The following MCC variants were observed in gnomAD, a reference collection of about 807,000 sequenced individuals.
The protein encoded by MCC is MCC regulator of Wnt signaling pathway.
A neutral mutation model predicts 116.2 loss-of-function variants in MCC; 90 were observed. That is an observed-to-expected ratio of 0.77 (90% CI 0.65 to 0.92). The LOEUF is 0.92. Ranked by LOEUF, MCC falls within the 40% of genes least tolerant of loss-of-function variation. MCC has a pLI of 0.00. For missense variants in MCC, 1,516 were observed against 1,312.2 expected, an observed-to-expected ratio of 1.16 and a Z score of -2.40; for synonymous variants, 578 against 510.5, an observed-to-expected ratio of 1.13 and a Z score of -1.78.
At chr5:113,171,496 AG>A in intron 3 of MCC, among the ~76,000 whole-genome samples, 1 of 152,054 alleles carries the variant, frequency 6.6e-6, no homozygotes, top group East Asian at 1.9e-4. Context: ...CTAGGACTAC[AG>A]GCATGCACTA....
At chr5:113,180,457 G>C (rs1006617331) in intron 3 of MCC, among the ~76,000 whole-genome samples, 4 of 152,052 alleles carry the variant, frequency 2.6e-5, no homozygotes, top group African/African-American at 9.7e-5. Context: ...TCTTCCTTCT[G>C]CCCCTCCTAG....
At chr5:113,430,646 G>C (rs1002819113) in intron 1 of MCC, among the ~76,000 whole-genome samples, 2 of 152,194 alleles carry the variant, frequency 1.3e-5, no homozygotes, top group Non-Finnish European at 2.9e-5. Flanking sequence ...TGAGAGGTAA[G>C]GCAAAGAAAG....
chr5:113,394,386 T>C (rs905456392), intron 1 of MCC, among the ~76,000 whole-genome samples: 2 of 152,208 alleles, frequency 1.3e-5, no homozygotes, highest in Middle Eastern at 3.2e-3. Context: ...TACTCTTTCC[T>C]GCTTAAAATC....
intron 1 of MCC, among the ~76,000 whole-genome samples, chr5:113,422,562 A>C (rs573130447): frequency 6.6e-6 from 1 of 152,028 alleles, no homozygotes; most frequent in Non-Finnish European, 1.5e-5. Context: ...CCAGTGCATC[A>C]TTGATTATAG....
At chr5:113,138,229 T>A (rs1326340422) in intron 5 of MCC, among the ~76,000 whole-genome samples, 2 of 152,116 alleles carry the variant, frequency 1.3e-5, no homozygotes, top group Non-Finnish European at 2.9e-5. Context: ...TAGGCTGATC[T>A]CAAACTCCTG....
intron 1 of MCC, among the ~76,000 whole-genome samples, chr5:113,481,387 T>C (rs1412565963): frequency 2.0e-5 from 3 of 151,908 alleles, no homozygotes; most frequent in Non-Finnish European, 2.9e-5. Context: ...ACAATCTAAA[T>C]AGTCAACAAC....
At chr5:113,425,116 T>C (rs991229496) in intron 1 of MCC, among the ~76,000 whole-genome samples, 2 of 151,994 alleles carry the variant, frequency 1.3e-5, no homozygotes, top group Admixed American at 6.6e-5. Flanking sequence ...TATCAGAACA[T>C]TGGGCAAAGA....
intron 3 of MCC, among the ~76,000 whole-genome samples, chr5:113,245,098 C>T (rs527274527): frequency 1.3e-5 from 2 of 152,154 alleles, no homozygotes; most frequent in South Asian, 4.2e-4. Context: ...TTGAGACCAG[C>T]CCGACCAATA....
rs550882498 is a variant in MCC, at chr5:113,254,227, T to G, written c.627+86292A>C. On this transcript the variant is annotated intron_variant, in intron 3 of 18. Coordinates refer to ENST00000408903, the MANE Select transcript of MCC (RefSeq NM_001085377.2). Reference sequence around the variant, plus strand: ...ATTTCATATCCAGCCAAATTACCAATTAAGCATGAGGACGGATAAGCAGAG... The same window carrying G: ...ATTTCATATCCAGCCAAATTACCAAGTAAGCATGAGGACGGATAAGCAGAG... Among the ~76,000 whole-genome samples, 9 of 152,328 alleles carry G rather than the reference T, an allele frequency of 5.9e-5. No individual in the cohort carries two copies. In the South Asian group the frequency reaches 1.9e-3, roughly 32 times the overall value.
At chr5:113,048,623 A>C (rs1407087518) in intron 16 of MCC, 2 of 191,440 alleles carry the variant, frequency 1.0e-5, no homozygotes, top group Non-Finnish European at 2.1e-5. Flanking sequence ...TTTATAAATT[A>C]AACTTCAACA....
intron 17 of MCC, among the ~76,000 whole-genome samples, chr5:113,032,197 T>C (rs1210133307): frequency 1.3e-5 from 2 of 152,096 alleles, no homozygotes; most frequent in Admixed American, 6.5e-5. Context: ...GATCACCTGA[T>C]GTCGGGAGTT....
At position 113,143,347 on chromosome 5, in the gene MCC, TG is replaced by T. The variant is rs753979711; in HGVS notation, c.754del (p.His252ThrfsTer3). 3 of 1,613,726 alleles carry T rather than the reference TG, an allele frequency of 1.9e-6. No homozygotes were observed. The highest frequency in any genetic ancestry group is 3.3e-5 in the Admixed American group (2 of 59,912). ...KLAKAQCEQS[H>X]LMREHEDVQE... Reference sequence around the variant, plus strand: ...GACATCCTCATGCTCTCTCATGAGGTGGGACTGCTCGCACTGGGAATAAGGG... The same window carrying T: ...GACATCCTCATGCTCTCTCATGAGGTGGACTGCTCGCACTGGGAATAAGGG... On this transcript the variant is annotated frameshift_variant, in exon 5 of 19. Transcript: ENST00000408903. LOFTEE classifies it high-confidence loss of function.
intron 4 of MCC, among the ~76,000 whole-genome samples, chr5:113,149,880 T>C (rs577972824): frequency 1.0e-3 from 159 of 152,252 alleles, no homozygotes; most frequent in Non-Finnish European, 2.0e-3. Flanking sequence ...ACAAGGCTGA[T>C]GTATCTGAGA....
At chr5:113,039,904 T>A (rs900039990) in intron 17 of MCC, among the ~76,000 whole-genome samples, 1 of 152,136 alleles carries the variant, frequency 6.6e-6, no homozygotes, top group African/African-American at 2.4e-5. Flanking sequence ...GCTGCCTTTT[T>A]ATAGATCACT....
At chr5:113,419,897 G>A (rs1271342993) in intron 1 of MCC, among the ~76,000 whole-genome samples, 1 of 148,418 alleles carries the variant, frequency 6.7e-6, no homozygotes, top group African/African-American at 2.5e-5. Flanking sequence ...GGGAGGGATA[G>A]CATTAGGAGA....
chr5:113,130,747 G>A (rs376149382), intron 5 of MCC, among the ~76,000 whole-genome samples: 18 of 152,160 alleles, frequency 1.2e-4, no homozygotes, highest in East Asian at 3.9e-4. Context: ...CTGCACAGCC[G>A]GCTCCCCTTC....
At chr5:113,262,445 C>A (rs1431995420) in intron 3 of MCC, among the ~76,000 whole-genome samples, 1 of 152,132 alleles carries the variant, frequency 6.6e-6, no homozygotes, top group Non-Finnish European at 1.5e-5. Flanking sequence ...GCTGGGCCCA[C>A]CTTTTATGCC....
intron 3 of MCC, among the ~76,000 whole-genome samples, chr5:113,221,755 A>G (rs1047651102): frequency 6.6e-6 from 1 of 152,182 alleles, no homozygotes; most frequent in African/African-American, 2.4e-5. Context: ...CTATGATTTC[A>G]TCTCTGGCTT....
At chr5:113,062,191 AT>A (rs1245224644) in intron 14 of MCC, among the ~76,000 whole-genome samples, 1 of 152,204 alleles carries the variant, frequency 6.6e-6, no homozygotes, top group Non-Finnish European at 1.5e-5. Flanking sequence ...TTTAAGAACC[AT>A]TCTTTGGTGA....
Sources: gnomAD v4.1 joint callset for allele counts (sites outside exome capture counted in the v4.1 genomes callset) on GRCh38, gnomAD v4.1.1 for gene constraint, MANE v1.5 for transcripts, NCBI Gene and HGNC (gene_info 2026-07-23, HGNC 2026-07-21) for gene names.